The following SEPTIN9 variants were observed in gnomAD, a reference collection of about 807,000 sequenced individuals.
SEPTIN9 encodes the protein septin 9, also known as septin-9.
In SEPTIN9, 13 loss-of-function variants were observed where a neutral mutation model predicts 56.6. That is an observed-to-expected ratio of 0.23 (90% CI 0.15 to 0.37). The LOEUF is 0.37. Ranked by LOEUF, SEPTIN9 falls within the 10% of genes least tolerant of loss-of-function variation. The probability of loss-of-function intolerance (pLI) is 1.00; values close to 1 mark genes in which losing one functional copy is unlikely to be tolerated. For synonymous variants in SEPTIN9, 332 were observed against 334.1 expected (o/e 0.99, Z 0.07); for missense variants, 650 against 823.1 (o/e 0.79, Z 2.57).
intron 3 of SEPTIN9, chr17:77,472,458 A>G (rs756338502): frequency 6.6e-6 from 1 of 152,092 alleles, no homozygotes; most frequent in Non-Finnish European, 1.5e-5. Flanking sequence ...ATGGAGACAG[A>G]CTCACACCAC....
At chr17:77,346,079 T>C (rs1397336326) in intron 2 of SEPTIN9, among the ~76,000 whole-genome samples, 1 of 152,060 alleles carries the variant, frequency 6.6e-6, no homozygotes, top group Non-Finnish European at 1.5e-5. Context: ...GCCTTCTAAG[T>C]AGCTGGAGAT....
At chr17:77,356,324 G>C (rs568585299) in intron 2 of SEPTIN9, among the ~76,000 whole-genome samples, 5 of 152,066 alleles carry the variant, frequency 3.3e-5, no homozygotes, top group Non-Finnish European at 7.4e-5. Flanking sequence ...TGGGGACTCC[G>C]GGCTGAGCTC....
chr17:77,315,495 T>C (rs1334168826), intron 2 of SEPTIN9, among the ~76,000 whole-genome samples: 2 of 151,796 alleles, frequency 1.3e-5, no homozygotes, highest in South Asian at 4.1e-4. Context: ...ACCATGTTGG[T>C]CAGGCTGGTC....
At chr17:77,395,486 G>A (rs1047778530) in intron 2 of SEPTIN9, among the ~76,000 whole-genome samples, 4 of 148,220 alleles carry the variant, frequency 2.7e-5, no homozygotes, top group South Asian at 2.1e-4. Flanking sequence ...CCGAGATTGC[G>A]CCACTGCACT....
intron 3 of SEPTIN9, among the ~76,000 whole-genome samples, chr17:77,454,947 T>TG (rs2038129629): frequency 6.6e-6 from 1 of 150,854 alleles, no homozygotes; most frequent in South Asian, 2.1e-4. Flanking sequence ...TTGGTTTTGC[T>TG]GGGGGTGGGG....
intron 3 of SEPTIN9, chr17:77,454,514 A>G: frequency 2.9e-6 from 1 of 339,066 alleles, no homozygotes; most frequent in Non-Finnish European, 4.2e-6. Context: ...CAGGCCCATG[A>G]GGGTCCCTCT....
At chr17:77,390,399 GTCACC>G (rs2035494739) in intron 2 of SEPTIN9, among the ~76,000 whole-genome samples, 1 of 138,598 alleles carries the variant, frequency 7.2e-6, no homozygotes, top group Non-Finnish European at 1.5e-5. Flanking sequence ...AAGGCCTGCA[GTCACC>G]TCCCCTTCAT....
chr17:77,325,163 A>G (rs762002603), intron 2 of SEPTIN9, among the ~76,000 whole-genome samples: 1 of 152,012 alleles, frequency 6.6e-6, no homozygotes, highest in Non-Finnish European at 1.5e-5. Context: ...CACTTTATCT[A>G]TTTGTTCTTC....
At chr17:77,324,818 A>ATT (rs1469952875) in intron 2 of SEPTIN9, among the ~76,000 whole-genome samples, 6 of 56,348 alleles carry the variant, frequency 1.1e-4, no homozygotes, top group Admixed American at 9.4e-4. Context: ...TTTGATATGC[A>ATT]ATTTTTTTTT....
chr17:77,352,137 C>T (rs2034083891), intron 2 of SEPTIN9, among the ~76,000 whole-genome samples: 1 of 152,126 alleles, frequency 6.6e-6, no homozygotes, highest in Non-Finnish European at 1.5e-5. Flanking sequence ...GTGGCTCATG[C>T]CTGTAATCCC....
chr17:77,491,241 G>A (rs2040013374), intron 8 of SEPTIN9, among the ~76,000 whole-genome samples: 1 of 151,672 alleles, frequency 6.6e-6, no homozygotes, highest in South Asian at 2.1e-4. Flanking sequence ...TTTTGAGAAA[G>A]GGTCTGGCTC....
intron 3 of SEPTIN9, among the ~76,000 whole-genome samples, chr17:77,464,769 T>A (rs1211359619): frequency 1.3e-5 from 2 of 149,608 alleles, no homozygotes; most frequent in African/African-American, 4.9e-5. Flanking sequence ...CCCGGCTAAT[T>A]TTTTTTTTTG....
chr17:77,373,903 C>CA (rs1182527816), intron 2 of SEPTIN9: 1 of 252,034 alleles, frequency 4.0e-6, no homozygotes, highest in Non-Finnish European at 7.6e-6. Context: ...CGGAACTCTC[C>CA]AGGACGCACA....
rs1007664817 is a variant in SEPTIN9, at chr17:77,492,278, G to A, written c.1381-343G>A. 2.0e-5 allele frequency among the ~76,000 whole-genome samples: 3 copies of A among 152,172 alleles called. No homozygotes were observed. The highest frequency in any genetic ancestry group is 6.5e-5 in the Admixed American group (1 of 15,290). On this transcript the variant is annotated intron_variant, in intron 8 of 11. Transcript: ENST00000427177. The surrounding 1 kb of genome is among the most constrained non-coding windows in gnomAD (Gnocchi z 5.4). ...CCCTGCTGGAACTGGGGACTGTGAC[G>A]AGGGTTTTTTAGGAAGGGTTTCAGG...
intron 2 of SEPTIN9, among the ~76,000 whole-genome samples, chr17:77,396,201 C>A (rs763403314): frequency 1.3e-5 from 2 of 152,202 alleles, no homozygotes; most frequent in Admixed American, 1.3e-4. Context: ...CCAACATGAC[C>A]TGGCTCCGCA....
At chr17:77,419,772 G>A (rs1288343022) in intron 3 of SEPTIN9, 2 of 152,348 alleles carry the variant, frequency 1.3e-5, no homozygotes, top group African/African-American at 4.8e-5. Flanking sequence ...GTTACAGATG[G>A]TTGAGGCACC....
intron 1 of SEPTIN9, among the ~76,000 whole-genome samples, chr17:77,302,226 G>A (rs1229118076): frequency 6.6e-6 from 1 of 152,064 alleles, no homozygotes; most frequent in African/African-American, 2.4e-5. Context: ...CCAGCGTGAG[G>A]CCAAGGCAGG....
chr17:77,404,443 T>G lies in SEPTIN9; in HGVS notation c.721+1740T>G, dbSNP rs374189608. 3.3e-5 allele frequency among the ~76,000 whole-genome samples: 5 copies of G among 152,340 alleles called. 1 individual carries two copies. The highest frequency in any genetic ancestry group is 2.4e-5 in the African/African-American group (1 of 41,580). On this transcript the variant is annotated intron_variant, in intron 3 of 11. Transcript: ENST00000427177. ...AAATTTTTTTTGTAGAGACAGGTTC[T>G]CACTAGGTTGCCCAGGCTGGTCTCA...
At chr17:77,379,379 G>A (rs1251999959) in intron 2 of SEPTIN9, among the ~76,000 whole-genome samples, 1 of 152,070 alleles carries the variant, frequency 6.6e-6, no homozygotes, top group African/African-American at 2.4e-5. Context: ...TCTTGGTGGT[G>A]GAGAGCGTGC....
Sources: allele counts gnomAD v4.1 joint callset (sites outside exome capture counted in the v4.1 genomes callset), GRCh38; gene constraint gnomAD v4.1.1; non-coding constraint Gnocchi (gnomAD v3.1); transcripts MANE v1.5; gene names NCBI Gene and HGNC (gene_info 2026-07-23, HGNC 2026-07-21).